The following CNGA1 variants were observed in gnomAD, a reference collection of about 807,000 sequenced individuals.
CNGA1 encodes the protein cyclic nucleotide-gated channel alpha-1.
CNGA1 carries 53 observed loss-of-function variants against 69.7 expected under a neutral mutation model. The ratio of observed to expected loss-of-function variants is 0.76; its 90% confidence interval spans 0.61 to 0.96. CNGA1 has a LOEUF of 0.96. CNGA1 is among the 40% of genes least tolerant of loss of function. The pLI, the probability that CNGA1 is intolerant of heterozygous loss-of-function variation, is 0.00. For synonymous variants in CNGA1, 249 were observed against 283.5 expected (o/e 0.88, Z 1.22); for missense variants, 739 against 811.2 (o/e 0.91, Z 1.08).
chr4:47,955,484 A>G (rs763677998), intron 3 of CNGA1, among the ~76,000 whole-genome samples: 39 of 152,036 alleles, frequency 2.6e-4, no homozygotes, highest in Non-Finnish European at 5.3e-4. Flanking sequence ...CGCCTGGCCC[A>G]TATAACAATT....
At chr4:47,995,433 A>G (rs1560310769) in intron 2 of CNGA1, among the ~76,000 whole-genome samples, 3 of 151,996 alleles carry the variant, frequency 2.0e-5, no homozygotes, top group Non-Finnish European at 2.9e-5. Flanking sequence ...TTGTTTAATT[A>G]TGTTGCTGAG....
intron 1 of CNGA1, among the ~76,000 whole-genome samples, chr4:48,012,406 T>C (rs936032811): frequency 1.3e-5 from 2 of 152,036 alleles, no homozygotes; most frequent in African/African-American, 4.8e-5. Flanking sequence ...AGCTATCGGG[T>C]GGGACCTTAG....
At chr4:47,959,663 A>G (rs1446123614) in intron 3 of CNGA1, among the ~76,000 whole-genome samples, 1 of 152,184 alleles carries the variant, frequency 6.6e-6, no homozygotes, top group Admixed American at 6.5e-5. Flanking sequence ...GCTGGAGTGC[A>G]GTGGCGCCAT....
intron 3 of CNGA1, among the ~76,000 whole-genome samples, chr4:47,958,041 C>T (rs534666271): frequency 2.6e-5 from 4 of 151,840 alleles, no homozygotes; most frequent in East Asian, 2.0e-4. Flanking sequence ...ACTACAGGTG[C>T]GTGCCACCAC....
At chr4:47,943,090 GT>G in intron 8 of CNGA1, 90 bp downstream of exon 8, 2 of 903,436 alleles carry the variant, frequency 2.2e-6, no homozygotes, top group Non-Finnish European at 3.6e-6. Context: ...TTACTATAAA[GT>G]TTCTTTCTAC....
At chr4:47,966,700 G>A (rs962523618) in intron 3 of CNGA1, among the ~76,000 whole-genome samples, 1 of 152,164 alleles carries the variant, frequency 6.6e-6, no homozygotes, top group Non-Finnish European at 1.5e-5. Flanking sequence ...TGATATTTCA[G>A]ATCTACAAAT....
intron 3 of CNGA1, among the ~76,000 whole-genome samples, chr4:47,973,034 G>T (rs1368490656): frequency 6.0e-5 from 9 of 151,198 alleles, no homozygotes; most frequent in Non-Finnish European, 4.4e-5. Flanking sequence ...AGTCTGAAAG[G>T]CTGATATAGT....
At chr4:47,974,678 G>C (rs542518090) in intron 3 of CNGA1, among the ~76,000 whole-genome samples, 1 of 150,774 alleles carries the variant, frequency 6.6e-6, no homozygotes, top group Admixed American at 6.6e-5. Flanking sequence ...CATCTCACTC[G>C]TTCCATCTCA....
At position 47,937,741 on chromosome 4, in the gene CNGA1, C is replaced by T. The variant is rs779686570; in HGVS notation, c.741G>A (p.Leu247=). Reference sequence around the variant, plus strand: ...ACAGCAAATCAGTTGGTATCAGTGACAGAACATCAAGTTTAAATTGCAAGT... The same window carrying T: ...ACAGCAAATCAGTTGGTATCAGTGATAGAACATCAAGTTTAAATTGCAAGT... ...KSNLQFKLDV[L]SLIPTDLLYF... is the part of the protein sequence containing the mutation. Residue 247 remains leucine (L), a synonymous_variant, in exon 11 of 11, where the codon CTG becomes CTA. Transcript: ENST00000514170. 5.0e-6 allele frequency: 8 copies of T among 1,613,860 alleles called. No individual in the cohort carries two copies. The highest frequency in any genetic ancestry group is 6.8e-6 in the Non-Finnish European group (8 of 1,179,854).
chr4:47,977,547 A>T (rs1741478648), intron 3 of CNGA1, among the ~76,000 whole-genome samples: 1 of 152,130 alleles, frequency 6.6e-6, no homozygotes, highest in Non-Finnish European at 1.5e-5. Flanking sequence ...CATAATATAG[A>T]GAGCTTATCA....
chr4:47,988,326 C>CA (rs1160359050), intron 2 of CNGA1, among the ~76,000 whole-genome samples: 6 of 151,634 alleles, frequency 4.0e-5, no homozygotes, highest in African/African-American at 9.7e-5. Flanking sequence ...TTTTCTCTCA[C>CA]AAAAAACAGG....
chr4:47,992,796 T>C (rs7654355), intron 2 of CNGA1, among the ~76,000 whole-genome samples: 17,220 of 152,070 alleles, frequency 0.11, 1,571 homozygotes, highest in East Asian at 0.32. Flanking sequence ...CTTTCAACTT[T>C]TCCCCATTCA....
chr4:47,956,462 A>G (rs1206951731), intron 3 of CNGA1, among the ~76,000 whole-genome samples: 1 of 152,092 alleles, frequency 6.6e-6, no homozygotes, highest in Non-Finnish European at 1.5e-5. Context: ...AGAGGAAGAA[A>G]CTTCCCTGCT....
chr4:47,997,188 T>C (rs985368538), intron 2 of CNGA1, among the ~76,000 whole-genome samples: 6 of 152,208 alleles, frequency 3.9e-5, no homozygotes, highest in Non-Finnish European at 8.8e-5. Flanking sequence ...TCCCCAAAAC[T>C]GGCTTTCAAT....
intron 2 of CNGA1, among the ~76,000 whole-genome samples, chr4:47,985,455 A>G (rs1217458271): frequency 6.6e-6 from 1 of 152,228 alleles, no homozygotes; most frequent in East Asian, 1.9e-4. Context: ...ATAGGTAGCC[A>G]TGAATGTTTA....
intron 2 of CNGA1, among the ~76,000 whole-genome samples, chr4:47,991,880 C>A (rs1450343704): frequency 6.6e-6 from 1 of 152,144 alleles, no homozygotes; most frequent in African/African-American, 2.4e-5. Flanking sequence ...TATTCTCCTA[C>A]ATGTGGCTAG....
chr4:47,949,776 T>A (rs562713271), intron 6 of CNGA1, 57 bp downstream of exon 6: 24 of 1,327,522 alleles, frequency 1.8e-5, no homozygotes, highest in Non-Finnish European at 2.4e-5. Flanking sequence ...TATTCCTACA[T>A]TTTTACTGGT....
At chr4:47,940,525 A>G (rs964736360) in intron 10 of CNGA1, among the ~76,000 whole-genome samples, 3 of 152,332 alleles carry the variant, frequency 2.0e-5, no homozygotes, top group Admixed American at 1.3e-4. Context: ...GAACAAGATA[A>G]TGGAGGAAAG....
chr4:48,000,612 C>T (rs1466457076), intron 2 of CNGA1, among the ~76,000 whole-genome samples: 1 of 152,030 alleles, frequency 6.6e-6, no homozygotes, highest in Non-Finnish European at 1.5e-5. Flanking sequence ...AGGTGATCTG[C>T]CCACCTCAGC....
Sources: gnomAD v4.1 joint callset for allele counts (sites outside exome capture counted in the v4.1 genomes callset) on GRCh38, gnomAD v4.1.1 for gene constraint, MANE v1.5 for transcripts, NCBI Gene and HGNC (gene_info 2026-07-23, HGNC 2026-07-21) for gene names.